Variants in VDAC1 observed in about 807,000 individuals in gnomAD.
VDAC1 encodes the protein voltage dependent anion channel 1, also known as non-selective voltage-gated ion channel VDAC1.
VDAC1 carries 10 observed loss-of-function variants against 34.7 expected under a neutral mutation model. The ratio of observed to expected loss-of-function variants is 0.29; its 90% CI spans 0.18 to 0.49. The LOEUF (loss-of-function observed/expected upper bound fraction) is 0.49. Ranked by LOEUF, VDAC1 falls within the 20% of genes least tolerant of loss-of-function variation. VDAC1 has a pLI of 0.99. For synonymous variants in VDAC1, 130 were observed against 136.0 expected, an observed-to-expected ratio of 0.96 and a Z score of 0.30; for missense variants, 230 against 347.9, an observed-to-expected ratio of 0.66 and a Z score of 2.69.
the VDAC1 span, among the ~76,000 whole-genome samples, chr5:134,107,397 G>A: frequency 1.3e-5 from 2 of 152,206 alleles, no homozygotes; most frequent in Non-Finnish European, 1.5e-5. Context: ...TCCTCAAGCC[G>A]AGATGAAATC....
the VDAC1 span, among the ~76,000 whole-genome samples, chr5:134,070,264 C>T: frequency 6.6e-6 from 1 of 152,140 alleles, no homozygotes; most frequent in Non-Finnish European, 1.5e-5. Flanking sequence ...GCCTCAGCCT[C>T]CCGAGTAGCT....
chr5:134,067,249 AT>A, the VDAC1 span, among the ~76,000 whole-genome samples: 1 of 151,410 alleles, frequency 6.6e-6, no homozygotes, highest in Non-Finnish European at 1.5e-5. Flanking sequence ...CTAATTTTGT[AT>A]TTTTAGTAGA....
the VDAC1 span, among the ~76,000 whole-genome samples, chr5:134,035,495 A>G: frequency 6.6e-5 from 10 of 152,270 alleles, no homozygotes; most frequent in African/African-American, 2.4e-4. Context: ...CAATCTGCCC[A>G]CCTTGGTCTC....
the VDAC1 span, among the ~76,000 whole-genome samples, chr5:134,034,117 A>G: frequency 1.3e-5 from 2 of 152,210 alleles, no homozygotes; most frequent in Admixed American, 6.5e-5. Context: ...ATGCATTGGT[A>G]AGACTAAAGA....
the VDAC1 span, among the ~76,000 whole-genome samples, chr5:134,069,501 G>C: frequency 6.6e-6 from 1 of 152,162 alleles, no homozygotes; most frequent in African/African-American, 2.4e-5. Context: ...GAAGGAAGCT[G>C]AATGTCTGAC....
the VDAC1 span, among the ~76,000 whole-genome samples, chr5:134,078,531 G>A: frequency 2.6e-5 from 4 of 152,118 alleles, no homozygotes; most frequent in Admixed American, 1.3e-4. Context: ...GAGCAAGGAT[G>A]AGTTCTGACA....
chr5:134,032,405 T>C, the VDAC1 span, among the ~76,000 whole-genome samples: 1 of 152,164 alleles, frequency 6.6e-6, no homozygotes, highest in Non-Finnish European at 1.5e-5. Flanking sequence ...ATATATTACC[T>C]AACAAATCCA....
chr5:134,063,431 C>A, the VDAC1 span, among the ~76,000 whole-genome samples: 1 of 152,198 alleles, frequency 6.6e-6, no homozygotes, highest in Non-Finnish European at 1.5e-5. Flanking sequence ...TATGTATAAT[C>A]CCTCCCACAT....
At chr5:133,996,473 A>G (rs1361503003) in intron 1 of VDAC1, among the ~76,000 whole-genome samples, 2 of 152,076 alleles carry the variant, frequency 1.3e-5, no homozygotes, top group Admixed American at 1.3e-4. Flanking sequence ...CATAATACTT[A>G]CGTAACCTCT....
chr5:133,982,126 A>C (rs543509318), intron 5 of VDAC1, among the ~76,000 whole-genome samples: 6 of 152,228 alleles, frequency 3.9e-5, no homozygotes, highest in Non-Finnish European at 7.3e-5. Flanking sequence ...GAGGCTCCCA[A>C]GGGCTTCGAC....
At chr5:134,057,491 ATTTATATCTAT>A in the VDAC1 span, among the ~76,000 whole-genome samples, 1 of 118,988 alleles carries the variant, frequency 8.4e-6, no homozygotes, top group African/African-American at 3.3e-5. Context: ...AAAAAAAAAA[ATTTATATCTAT>A]ATCTATATCT....
the VDAC1 span, among the ~76,000 whole-genome samples, chr5:134,051,905 C>T: frequency 6.6e-6 from 1 of 151,958 alleles, no homozygotes; most frequent in African/African-American, 2.4e-5. Context: ...ACCATGTTGG[C>T]CAGGCTGGTC....
At chr5:134,029,708 A>G in the VDAC1 span, among the ~76,000 whole-genome samples, 2 of 152,246 alleles carry the variant, frequency 1.3e-5, no homozygotes, top group South Asian at 4.1e-4. Context: ...TCTTGAAATG[A>G]CAAAAGTAGG....
At chr5:134,002,566 G>C (rs1753599361) in intron 1 of VDAC1, among the ~76,000 whole-genome samples, 1 of 152,180 alleles carries the variant, frequency 6.6e-6, no homozygotes, top group Non-Finnish European at 1.5e-5. Context: ...TGTGTTTAAA[G>C]CACTTATTTC....
chr5:134,021,458 A>G, the VDAC1 span, among the ~76,000 whole-genome samples: 5 of 149,912 alleles, frequency 3.3e-5, no homozygotes, highest in African/African-American at 1.2e-4. Context: ...TGTCCTCGTG[A>G]TAGTTTGCTG....
chr5:134,054,483 T>C, the VDAC1 span, among the ~76,000 whole-genome samples: 5 of 139,606 alleles, frequency 3.6e-5, no homozygotes, highest in Non-Finnish European at 7.7e-5. Flanking sequence ...TTTCTTTTGA[T>C]GGAGTCTCGC....
At chr5:134,030,600 C>CTTTTT in the VDAC1 span, among the ~76,000 whole-genome samples, 3 of 109,962 alleles carry the variant, frequency 2.7e-5, no homozygotes, top group Admixed American at 1.8e-4. Flanking sequence ...TTCTTTCTTT[C>CTTTTT]TTTCTTTTTT....
At chr5:134,110,767 G>A in the VDAC1 span, among the ~76,000 whole-genome samples, 1 of 152,190 alleles carries the variant, frequency 6.6e-6, no homozygotes, top group Non-Finnish European at 1.5e-5. Context: ...CCTTTGAGAC[G>A]TTTTCTGGAA....
chr5:134,113,081 C>G, the VDAC1 span, among the ~76,000 whole-genome samples: 21 of 152,350 alleles, frequency 1.4e-4, no homozygotes, highest in African/African-American at 4.6e-4. Context: ...GCTCTGAACT[C>G]CCGTCCCTGT....
Sources: gnomAD v4.1 joint callset for allele counts (sites outside exome capture counted in the v4.1 genomes callset) on GRCh38, gnomAD v4.1.1 for gene constraint, MANE v1.5 for transcripts, NCBI Gene and HGNC (gene_info 2026-07-23, HGNC 2026-07-21) for gene names.